The following HADHA variants were observed in gnomAD, a reference collection of about 807,000 sequenced individuals.
HADHA encodes the protein trifunctional enzyme subunit alpha, mitochondrial.
In HADHA, 59 loss-of-function variants were observed where a neutral mutation model predicts 91.3. The ratio of observed to expected loss-of-function variants is 0.65; its 90% CI spans 0.52 to 0.80. The LOEUF is 0.80. HADHA is among the 30% of genes least tolerant of loss of function. HADHA has a pLI of 0.00. For missense variants in HADHA, 800 were observed against 927.6 expected, an observed-to-expected ratio of 0.86 and a Z score of 1.79; for synonymous variants, 320 against 338.9, an observed-to-expected ratio of 0.94 and a Z score of 0.61.
chr2:26,233,475 C>T (rs902662174), intron 5 of HADHA, among the ~76,000 whole-genome samples: 5 of 152,118 alleles, frequency 3.3e-5, no homozygotes, highest in African/African-American at 1.2e-4. Flanking sequence ...TCCTTTTCCC[C>T]TTCTTTTCTT....
rs1364770969 is a variant in HADHA, at chr2:26,229,929, G to GC, written c.676+262dup. ...GCAACCTCAGCCCCGCCAGGTTCAA[G>GC]CGATCCTCCTGCCTCAGCCTCCCAA... On this transcript the variant is annotated intron_variant, in intron 7 of 19. Transcript: ENST00000380649. The surrounding 1 kb of genome is among the most constrained non-coding windows in gnomAD (Gnocchi z 4.3). Among the ~76,000 whole-genome samples, 1 of 152,194 alleles carries GC rather than the reference G, an allele frequency of 6.6e-6. No homozygotes were observed. Among genetic ancestry groups the GC allele is most frequent in the Non-Finnish European group, 1.5e-5 (1 of 68,030 alleles).
At chr2:26,198,354 T>A (rs943585419) in intron 13 of HADHA, among the ~76,000 whole-genome samples, 5 of 146,474 alleles carry the variant, frequency 3.4e-5, no homozygotes, top group Admixed American at 2.8e-4. Context: ...CTGGCCACGA[T>A]CCCAACTTAT....
rs1227493628 is a variant in HADHA at position 26,209,805 on chromosome 2, AT to A, written c.1059del (p.Lys353AsnfsTer19). 8 of 1,588,822 alleles carry A rather than the reference AT, an allele frequency of 5.0e-6. No homozygotes were observed. Among genetic ancestry groups the A allele is most frequent in the Non-Finnish European group, 6.9e-6 (8 of 1,157,000 alleles). On this transcript the variant is annotated frameshift_variant, in exon 11 of 20. Coordinates refer to ENST00000380649, the MANE Select transcript of HADHA (RefSeq NM_000182.5). LOFTEE classifies it high-confidence loss of function. ...YHGQVLCKKN[K>X]FGAPQKDVKH... The stretch of plus-strand genomic sequence containing the variant: ...TTAACATCCTTCTGTGGAGCTCCAA[AT>A]TTATTCTTCTTGCACAGGACCTGAC...
chr2:26,201,296 T>C lies in HADHA; in HGVS notation c.1245A>G (p.Lys415=), dbSNP rs1669827760. ...AATCCCTTTCAAATGATGTTAGAGC[T>C]TTCTTCTTCACTTTGTCATTCAATC... ...FKGLNDKVKK[K]ALTSFERDSI... The change falls in exon 13 of 20, where the codon AAA becomes AAG. Residue 415 remains lysine (K), a synonymous_variant. Transcript: ENST00000380649. 6.2e-7 allele frequency: 1 copy of C among 1,610,888 alleles called. No individual in the cohort carries two copies. The highest frequency in any genetic ancestry group is 8.5e-7 in the Non-Finnish European group (1 of 1,177,172).
In HADHA at chr2:26,214,762, A is replaced by G. The variant is rs529051066; in HGVS notation, c.800-201T>C. 1.2e-4 allele frequency among the ~76,000 whole-genome samples: 18 copies of G among 152,346 alleles called. No homozygotes were observed. Among genetic ancestry groups the G allele is most frequent in the African/African-American group, 4.3e-4 (18 of 41,578 alleles). ...TGAATGTTAAAGCTGGGCCTTGGGT[A>G]CATGAGTGTTTATAACACTGTTATC... On this transcript the variant is annotated intron_variant, in intron 8 of 19. Transcript: ENST00000380649. The surrounding 1 kb of genome is among the most constrained non-coding windows in gnomAD (Gnocchi z 4.1).
Position 26,238,802 on chromosome 2 carries a change from G to A in HADHA, c.180+132C>T, listed in dbSNP as rs1263310898. 7 of 737,558 alleles carry A rather than the reference G, an allele frequency of 9.5e-6. No individual in the cohort carries two copies. In the Admixed American group the frequency reaches 1.2e-4, roughly 13 times the overall value. The allele number at this position is 737,558 out of a possible 1,614,324, so 45.7% of individuals were successfully genotyped here. The stretch of plus-strand genomic sequence containing the variant: ...CAATCTGTCAAAGTTTAACATAACT[G>A]TCAAAACTGTAAATTCATGTAAGAT... On this transcript the variant is annotated intron_variant, in intron 3 of 19. Coordinates refer to ENST00000380649, the MANE Select transcript of HADHA (RefSeq NM_000182.5).
chr2:26,241,342 G>A lies in HADHA; in HGVS notation c.68-2199C>T, dbSNP rs544730755. Among the ~76,000 whole-genome samples, 6 of 152,102 alleles carry A rather than the reference G, an allele frequency of 3.9e-5. No homozygotes were observed. The East Asian group carries it at 9.7e-4, about 25-fold the overall frequency. ...ATTTAAAAATACACAATCTATGGCC[G>A]GGCGCGGTGGCTCACGCCTGTAATC... On this transcript the variant is annotated intron_variant, in intron 1 of 19. Transcript: ENST00000380649.
At chr2:26,206,736 A>G (rs1669981430) in intron 11 of HADHA, among the ~76,000 whole-genome samples, 1 of 152,192 alleles carries the variant, frequency 6.6e-6, no homozygotes, top group African/African-American at 2.4e-5. Flanking sequence ...GAACAGCTAT[A>G]TAATAATGTT....
chr2:26,211,450 T>C (rs1195066361), intron 10 of HADHA, among the ~76,000 whole-genome samples: 1 of 152,176 alleles, frequency 6.6e-6, no homozygotes, highest in Non-Finnish European at 1.5e-5. Context: ...GGCAAGATAT[T>C]ACACATGTTA....
Position 26,244,487 on chromosome 2 carries a change from G to A in HADHA, c.67+43C>T, listed in dbSNP as rs747339819. On this transcript the variant is annotated intron_variant, in intron 1 of 19. Transcript: ENST00000380649. ...TCCGGGGCCACCCCAGTCCCGGCAG[G>A]AGTTCTGCCCGGAGGTCTGGGATGC... The A allele has an allele frequency of 1.3e-5, 20 of 1,546,244 alleles. 1 individual carries two copies. In the South Asian group the frequency reaches 2.3e-4, roughly 17 times the overall value.
Position 26,194,502 on chromosome 2 carries a change from ACAT to A in HADHA, c.1689+65_1689+67del, listed in dbSNP as rs1267686615. On this transcript the variant is annotated intron_variant, in intron 16 of 19. Coordinates refer to ENST00000380649, the MANE Select transcript of HADHA (RefSeq NM_000182.5). ...AGAAGGAAGCTTGGTCCTTATCTTG[ACAT>A]CATGAGTTTTAGAGTGACTGAAGGA... The A allele has an allele frequency of 7.2e-6, 7 of 972,080 alleles. No homozygotes were observed. In the South Asian group the frequency reaches 9.1e-5, roughly 13 times the overall value. The allele number at this position is 972,080 out of a possible 1,614,324, so 60.2% of individuals were successfully genotyped here. A position where few individuals can be genotyped will look rare whatever the true frequency, so the allele number is the denominator to read the frequency against.
At chr2:26,194,511 G>A in intron 16 of HADHA, 59 bp downstream of exon 16, 1 of 1,030,618 alleles carries the variant, frequency 9.7e-7, no homozygotes, top group East Asian at 2.4e-5. Flanking sequence ...GACATCATGA[G>A]TTTTAGAGTG....
intron 6 of HADHA, among the ~76,000 whole-genome samples, chr2:26,231,606 T>C (rs1670625175): frequency 6.6e-6 from 1 of 152,200 alleles, no homozygotes; most frequent in South Asian, 2.1e-4. Context: ...GCTCCAGAAA[T>C]GCAAGACATG....
intron 4 of HADHA, among the ~76,000 whole-genome samples, chr2:26,236,357 GTGTA>G (rs892931572): frequency 1.0e-5 from 1 of 100,292 alleles, no homozygotes; most frequent in African/African-American, 3.3e-5. Flanking sequence ...GTGTGTGTGT[GTGTA>G]TATATATATA....
chr2:26,195,919 A>C (rs1122972), intron 14 of HADHA, among the ~76,000 whole-genome samples: 125,156 of 152,152 alleles, frequency 0.82, 51,827 homozygotes, highest in African/African-American at 0.93. Context: ...TTTCAGAGAA[A>C]CCCCTCATTG....
rs1179855857 is a variant in HADHA at position 26,204,132 on chromosome 2, C to G, written c.1150G>C (p.Gly384Arg). Residue 384 changes from glycine to arginine, a missense_variant, in exon 12 of 20, where the codon GGG becomes CGG. Physicochemically the swap from Gly to Arg is moderately radical, Grantham distance 125 (BLOSUM62 -2). Transcript: ENST00000380649. The part of the protein sequence containing the change: ...AGIAQVSVDK[G>R]LKTILKDATL... ...GCATCTTTAAGTATAGTCTTTAGCC[C>G]CTTATCCACGGAGACTTGGGCGATG... 1 of 1,613,764 alleles carries G rather than the reference C, an allele frequency of 6.2e-7. No individual in the cohort carries two copies. Among genetic ancestry groups the G allele is most frequent in the African/African-American group, 1.3e-5 (1 of 75,044 alleles).
intron 7 of HADHA, among the ~76,000 whole-genome samples, chr2:26,217,043 G>A (rs1034301622): frequency 6.6e-6 from 1 of 152,170 alleles, no homozygotes; most frequent in Non-Finnish European, 1.5e-5. Flanking sequence ...GTATGTTACA[G>A]AAGGTAGAGG....
chr2:26,193,707 G>T lies in HADHA; in HGVS notation c.1755C>A (p.Ala585=). Residue 585 remains alanine, a synonymous_variant, in exon 17 of 20, where the codon GCC becomes GCA. Transcript: ENST00000380649. ...CCACACCAACTTCATCCACCAGTGT[G>T]GCGGCACCCACAGGAAAGCCAAAGC... ...TTSFGFPVGA[A]TLVDEVGVDV... is the part of the protein sequence containing the mutation. 1 of 1,614,070 alleles carries T rather than the reference G, an allele frequency of 6.2e-7. No individual in the cohort carries two copies. Among genetic ancestry groups the T allele is most frequent in the Non-Finnish European group, 8.5e-7 (1 of 1,179,946 alleles).
intron 1 of HADHA, among the ~76,000 whole-genome samples, chr2:26,241,920 A>ATT (rs111258495): frequency 6.8e-6 from 1 of 146,350 alleles, no homozygotes; most frequent in African/African-American, 2.5e-5. Flanking sequence ...CTTCAAGATA[A>ATT]TTTTTTTTTT....
Sources: gnomAD v4.1 joint callset for allele counts (sites outside exome capture counted in the v4.1 genomes callset) on GRCh38, gnomAD v4.1.1 for gene constraint, Gnocchi (gnomAD v3.1) non-coding constraint, MANE v1.5 for transcripts, NCBI Gene and HGNC (gene_info 2026-07-23, HGNC 2026-07-21) for gene names.